The following CSN2 variants were observed in gnomAD, a reference collection of about 807,000 sequenced individuals.
The protein encoded by CSN2 is casein beta, also known as beta-casein.
A neutral mutation model predicts 27.3 loss-of-function variants in CSN2; 27 were observed. The ratio of observed to expected loss-of-function variants is 0.99; its 90% CI spans 0.73 to 1.36. The LOEUF (loss-of-function observed/expected upper bound fraction) is 1.36. Ranked by LOEUF, CSN2 falls within the 40% of genes most tolerant of loss-of-function variation. The pLI is 0.00. For missense variants in CSN2, 333 were observed against 264.5 expected (o/e 1.26, Z -1.80); for synonymous variants, 131 against 94.8 (o/e 1.38, Z -2.22).
chr4:69,959,788 A>G (rs923047974), intron 3 of CSN2, among the ~76,000 whole-genome samples: 2 of 151,996 alleles, frequency 1.3e-5, no homozygotes, highest in Non-Finnish European at 2.9e-5. Context: ...GAGTAAAGAG[A>G]GTTCAAGGCA....
At chr4:69,963,269 A>G (rs555042000) in intron 1 of CSN2, among the ~76,000 whole-genome samples, 3 of 152,320 alleles carry the variant, frequency 2.0e-5, no homozygotes, top group South Asian at 4.1e-4. Context: ...TCATGCTGCT[A>G]TAAAGACACA....
In CSN2 at chr4:69,960,997, GCTACTAAGTC is replaced by G; in HGVS notation, c.-12_-3del. ...GCAGGCGAGGATGAGGACCTTCATG[GCTACTAAGTC>G]CTGTGAATGTAGAAAAAATGGAATG... On this transcript the variant is annotated splice_region_variant and 5_prime_UTR_variant, in exon 2 of 8. Coordinates refer to ENST00000353151, the MANE Select transcript of CSN2 (RefSeq NM_001891.4). The G allele has an allele frequency of 6.2e-7, 1 of 1,611,974 alleles. No individual in the cohort carries two copies. Among genetic ancestry groups the G allele is most frequent in the Non-Finnish European group, 8.5e-7 (1 of 1,178,614 alleles).
chr4:69,963,288 T>C (rs1431967292), intron 1 of CSN2, among the ~76,000 whole-genome samples: 7 of 152,182 alleles, frequency 4.6e-5, no homozygotes, highest in Non-Finnish European at 1.0e-4. Flanking sequence ...CATACACATG[T>C]ATGTTTATTG....
chr4:69,965,110 T>C (rs1723752327), intron 1 of CSN2, among the ~76,000 whole-genome samples: 1 of 151,322 alleles, frequency 6.6e-6, no homozygotes, highest in South Asian at 2.1e-4. Flanking sequence ...TATTACAAAC[T>C]AGATAATAAA....
intron 1 of CSN2, among the ~76,000 whole-genome samples, chr4:69,961,518 G>C (rs990217768): frequency 2.0e-5 from 3 of 152,112 alleles, no homozygotes; most frequent in African/African-American, 7.2e-5. Flanking sequence ...AAAGGCCTTT[G>C]ACAAAATTCA....
intron 1 of CSN2, among the ~76,000 whole-genome samples, 119 bp downstream of exon 1, chr4:69,965,562 C>T (rs1723780654): frequency 6.6e-6 from 1 of 151,024 alleles, no homozygotes; most frequent in African/African-American, 2.4e-5. Context: ...TCAGTACTAC[C>T]TTAAATACTT....
chr4:69,960,732 C>A (rs535500257), intron 2 of CSN2, among the ~76,000 whole-genome samples: 1 of 152,038 alleles, frequency 6.6e-6, no homozygotes, highest in Non-Finnish European at 1.5e-5. Context: ...TCTTTAGTGA[C>A]TAGCAGCACA....
chr4:69,959,347 C>T (rs1007252351), intron 3 of CSN2, among the ~76,000 whole-genome samples: 9 of 151,864 alleles, frequency 5.9e-5, no homozygotes, highest in Admixed American at 1.3e-4. Flanking sequence ...TATCTAAAAC[C>T]CCATCTGATT....
rs201010990 is a variant in CSN2 at position 69,961,006 on chromosome 4, T to G, written c.-11A>C. 296 of 1,610,850 alleles carry G rather than the reference T, an allele frequency of 1.8e-4. No individual in the cohort carries two copies. The African/African-American group carries it at 3.7e-3, about 20-fold the overall frequency. ...GATGAGGACCTTCATGGCTACTAAG[T>G]CCTGTGAATGTAGAAAAAATGGAAT... On this transcript the variant is annotated splice_region_variant and 5_prime_UTR_variant, in exon 2 of 8. Transcript: ENST00000353151.
chr4:69,962,803 G>A (rs1453389746), intron 1 of CSN2, among the ~76,000 whole-genome samples: 1 of 152,066 alleles, frequency 6.6e-6, no homozygotes, highest in East Asian at 1.9e-4. Flanking sequence ...CAGGCAACCT[G>A]CAGAATGAGA....
chr4:69,956,978 G>A (rs1419821489), intron 6 of CSN2, among the ~76,000 whole-genome samples: 1 of 151,966 alleles, frequency 6.6e-6, no homozygotes, highest in Non-Finnish European at 1.5e-5. Context: ...ACAGGAAGGG[G>A]AACATCACAC....
Position 69,958,969 on chromosome 4 carries a change from A to G in CSN2, c.100-16T>C, listed in dbSNP as rs374914724. ...CAACTTTCTGCTAAAGATATATCAT[A>G]TATAAAGATATGTTACCATCTGTAA... On this transcript the variant is annotated splice_polypyrimidine_tract_variant and intron_variant, in intron 4 of 7. Transcript: ENST00000353151. 6.1e-5 allele frequency: 96 copies of G among 1,584,586 alleles called. 2 individuals carry two copies. The South Asian group carries it at 8.2e-4, about 14-fold the overall frequency.
chr4:69,961,091 AC>A (rs1723564559), intron 1 of CSN2, 84 bp from the exon 2 acceptor site: 18 of 849,924 alleles, frequency 2.1e-5, no homozygotes, highest in South Asian at 5.2e-5. Context: ...TTTTTATAAA[AC>A]AAAAAAAAAA....
chr4:69,961,359 C>A (rs946033252), intron 1 of CSN2, among the ~76,000 whole-genome samples: 3 of 151,970 alleles, frequency 2.0e-5, no homozygotes, highest in African/African-American at 4.8e-5. Flanking sequence ...AAGATTTATG[C>A]AACACATCAA....
In CSN2 at chr4:69,955,458, A is replaced by G. The variant is rs1723367967; in HGVS notation, c.*171T>C. 1 of 152,504 alleles carries G rather than the reference A, an allele frequency of 6.6e-6. No homozygotes were observed. Among genetic ancestry groups the G allele is most frequent in the Non-Finnish European group, 1.5e-5 (1 of 67,952 alleles). The allele number at this position is 152,504 out of a possible 1,614,324, so 9.4% of individuals were successfully genotyped here. On this transcript the variant is annotated 3_prime_UTR_variant, in exon 8 of 8. Transcript: ENST00000353151. ...GTTCATGAGTCAAATTTCAAATTAAATGAATGACATAATATATAAAATAAA... is the reference window on the plus strand; with the variant it reads ...GTTCATGAGTCAAATTTCAAATTAAGTGAATGACATAATATATAAAATAAA...
intron 5 of CSN2, 76 bp downstream of exon 5, chr4:69,958,833 A>G: frequency 1.1e-6 from 1 of 929,316 alleles, no homozygotes; most frequent in Non-Finnish European, 1.6e-6. Context: ...TAGAATCAAC[A>G]TACACATTAT....
Position 69,957,447 on chromosome 4 carries a change from G to A in CSN2, c.502C>T (p.Leu168=), listed in dbSNP as rs770935273. 2.2e-5 allele frequency: 35 copies of A among 1,613,724 alleles called. No homozygotes were observed. Among genetic ancestry groups the A allele is most frequent in the Non-Finnish European group, 2.8e-5 (33 of 1,179,926 alleles). ...PQTLALPPQP[L]WSVPQPKVLP... ...ACTTTGGGCTGAGGAACAGACCACA[G>A]GGGCTGAGGGGGAAGTGCAAGAGTC... The change falls in exon 6 of 8, where the codon CTG becomes TTG. Residue 168 remains leucine (L), a synonymous_variant. Transcript: ENST00000353151.
In CSN2 at chr4:69,963,346, A is replaced by T. The variant is rs544925925; in HGVS notation, c.-13+2335T>A. Among the ~76,000 whole-genome samples the T allele has an allele frequency of 1.1e-4, 17 of 151,796 alleles. No homozygotes were observed. In the East Asian group the frequency reaches 2.9e-3, roughly 26 times the overall value. On this transcript the variant is annotated intron_variant, in intron 1 of 7. Transcript: ENST00000353151. ...GACTTGGAACCAACCCAAATGTCCA[A>T]CAATGATAGACTGGATTAAGAAAAT...
rs746656500 is a variant in CSN2, at chr4:69,958,918, C to A, written c.135G>T (p.Gln45His). Residue 45 changes from glutamine (Q) to histidine (H), a missense_variant, in exon 5 of 8, where the codon CAG becomes CAT. Coordinates refer to ENST00000353151, the MANE Select transcript of CSN2 (RefSeq NM_001891.4). The stretch of plus-strand genomic sequence containing the variant: ...ATCATTAACAAATTACCTCTCCTTG[C>A]TGCTGGTCCTCATGTTTAACCTTCT... The part of the protein sequence containing the change: ...KVEKVKHEDQ[Q>H]QGEDEHQDKI... 1.9e-6 allele frequency: 3 copies of A among 1,590,976 alleles called. No individual in the cohort carries two copies. The highest frequency in any genetic ancestry group is 2.6e-6 in the Non-Finnish European group (3 of 1,163,078).
Sources: allele counts gnomAD v4.1 joint callset (sites outside exome capture counted in the v4.1 genomes callset), GRCh38; gene constraint gnomAD v4.1.1; transcripts MANE v1.5; gene names NCBI Gene and HGNC (gene_info 2026-07-23, HGNC 2026-07-21).